Variants in EPHA6 observed in about 807,000 individuals in gnomAD.
EPHA6 encodes the protein ephrin type-A receptor 6.
EPHA6 carries 50 observed loss-of-function variants against 112.0 expected under a neutral mutation model. The observed-to-expected ratio is 0.45, with a 90% CI of 0.36 to 0.56. The LOEUF is 0.56. Ranked by LOEUF, EPHA6 falls within the 20% of genes least tolerant of loss-of-function variation. EPHA6 has a pLI of 0.00. For synonymous variants in EPHA6, 529 were observed against 490.7 expected, an observed-to-expected ratio of 1.08 and a Z score of -1.03; for missense variants, 1,280 against 1,417.4, an observed-to-expected ratio of 0.90 and a Z score of 1.56.
intron 2 of EPHA6, among the ~76,000 whole-genome samples, chr3:96,983,824 C>CT (rs1476847866): frequency 6.6e-6 from 1 of 152,136 alleles, no homozygotes; most frequent in Non-Finnish European, 1.5e-5. Flanking sequence ...CACTGATACC[C>CT]TTTTTTCCAG....
chr3:97,706,149 A>G (rs536395841), intron 14 of EPHA6, among the ~76,000 whole-genome samples: 9 of 152,198 alleles, frequency 5.9e-5, no homozygotes, highest in Non-Finnish European at 1.2e-4. Flanking sequence ...GCACACATTT[A>G]CTGTAGTTGA....
intron 10 of EPHA6, among the ~76,000 whole-genome samples, chr3:97,495,731 A>G (rs1484035960): frequency 6.6e-6 from 1 of 152,052 alleles, no homozygotes; most frequent in Non-Finnish European, 1.5e-5. Flanking sequence ...TGCAGCAATC[A>G]TTTAGTATAC....
At chr3:97,316,062 A>T (rs2081816955) in intron 5 of EPHA6, among the ~76,000 whole-genome samples, 1 of 151,884 alleles carries the variant, frequency 6.6e-6, no homozygotes, top group Non-Finnish European at 1.5e-5. Flanking sequence ...ATGATTCTCA[A>T]ACATTATTTA....
At chr3:96,964,861 A>G (rs1385921365) in intron 2 of EPHA6, among the ~76,000 whole-genome samples, 1 of 152,226 alleles carries the variant, frequency 6.6e-6, no homozygotes, top group Non-Finnish European at 1.5e-5. Flanking sequence ...TACTGTCTTC[A>G]TCAATAGTAT....
chr3:97,072,875 T>A (rs577184893), intron 3 of EPHA6, among the ~76,000 whole-genome samples: 12 of 152,228 alleles, frequency 7.9e-5, no homozygotes, highest in African/African-American at 2.6e-4. Context: ...GATTTTCCCA[T>A]TGGGATAGTA....
intron 11 of EPHA6, chr3:97,590,191 C>A (rs966610127): frequency 5.9e-5 from 9 of 152,116 alleles, no homozygotes; most frequent in Non-Finnish European, 1.2e-4. Flanking sequence ...ACCAGTCCTT[C>A]TATTTTGTTT....
At chr3:97,045,267 G>C (rs1469963076) in intron 3 of EPHA6, among the ~76,000 whole-genome samples, 1 of 151,800 alleles carries the variant, frequency 6.6e-6, no homozygotes, top group Non-Finnish European at 1.5e-5. Context: ...TCTGATACTG[G>C]TATTTTGTAT....
At chr3:97,203,850 T>C (rs755068979) in intron 3 of EPHA6, among the ~76,000 whole-genome samples, 24 of 152,166 alleles carry the variant, frequency 1.6e-4, no homozygotes, top group Non-Finnish European at 4.4e-5. Context: ...AGTCTTTTGC[T>C]TTAGAAAAAT....
At chr3:96,996,898 T>C (rs2043444386) in intron 3 of EPHA6, among the ~76,000 whole-genome samples, 2 of 152,116 alleles carry the variant, frequency 1.3e-5, no homozygotes, top group South Asian at 4.1e-4. Context: ...CAATGACTTC[T>C]CCTTTCTAGT....
intron 3 of EPHA6, among the ~76,000 whole-genome samples, chr3:97,138,008 C>A (rs1212233008): frequency 6.6e-6 from 1 of 152,024 alleles, no homozygotes; most frequent in Non-Finnish European, 1.5e-5. Flanking sequence ...CAAGATATAA[C>A]ACTGAAATTT....
intron 11 of EPHA6, 21 bp downstream of exon 11, chr3:97,532,564 A>G (rs2092707547): frequency 6.4e-7 from 1 of 1,571,788 alleles, no homozygotes; most frequent in Non-Finnish European, 8.6e-7. Context: ...GAGTTTCTTC[A>G]TTACTTCTTT....
chr3:97,592,234 T>C (rs2093551754), intron 11 of EPHA6, among the ~76,000 whole-genome samples: 1 of 152,212 alleles, frequency 6.6e-6, no homozygotes, highest in Non-Finnish European at 1.5e-5. Context: ...ATATCAGATC[T>C]TATCGTGGCT....
At chr3:96,840,916 T>C (rs1241774321) in intron 1 of EPHA6, among the ~76,000 whole-genome samples, 1 of 152,096 alleles carries the variant, frequency 6.6e-6, no homozygotes, top group African/African-American at 2.4e-5. Flanking sequence ...GCTTTAAAAG[T>C]AAAAACAAAA....
At chr3:96,930,563 C>T (rs776921649) in intron 2 of EPHA6, among the ~76,000 whole-genome samples, 3 of 152,172 alleles carry the variant, frequency 2.0e-5, no homozygotes, top group Non-Finnish European at 4.4e-5. Flanking sequence ...ACATTGTAGC[C>T]TCCTCCTTCT....
intron 3 of EPHA6, among the ~76,000 whole-genome samples, chr3:97,030,617 G>T (rs2044794628): frequency 6.6e-6 from 1 of 151,882 alleles, no homozygotes; most frequent in South Asian, 2.1e-4. Flanking sequence ...TTAGAACTTG[G>T]GTGTAGAGAT....
chr3:97,228,096 G>A (rs2078412374), intron 4 of EPHA6, among the ~76,000 whole-genome samples: 1 of 152,090 alleles, frequency 6.6e-6, no homozygotes. Flanking sequence ...CCAGTTTTAA[G>A]GTTTCTCTGG....
At chr3:97,601,678 G>T (rs2093644362) in intron 12 of EPHA6, among the ~76,000 whole-genome samples, 1 of 151,778 alleles carries the variant, frequency 6.6e-6, no homozygotes, top group African/African-American at 2.4e-5. Flanking sequence ...AAAAGATTAA[G>T]AAATAAATAG....
At chr3:97,583,787 T>C (rs771169032) in intron 11 of EPHA6, among the ~76,000 whole-genome samples, 1 of 152,138 alleles carries the variant, frequency 6.6e-6, no homozygotes, top group Non-Finnish European at 1.5e-5. Flanking sequence ...ACAAACTGAC[T>C]AGAAAGTTTA....
chr3:97,253,843 A>G (rs1197500929), intron 5 of EPHA6, among the ~76,000 whole-genome samples: 5 of 152,108 alleles, frequency 3.3e-5, no homozygotes, highest in Non-Finnish European at 7.4e-5. Context: ...GCCATTGTCT[A>G]TCTATGAGTT....
Sources: gnomAD v4.1 joint callset for allele counts (sites outside exome capture counted in the v4.1 genomes callset) on GRCh38, gnomAD v4.1.1 for gene constraint, MANE v1.5 for transcripts, NCBI Gene and HGNC (gene_info 2026-07-23, HGNC 2026-07-21) for gene names.